GPM6A: variants seen among roughly 807,000 people sequenced by gnomAD.
GPM6A encodes neuronal membrane glycoprotein M6-a.
In GPM6A, 7 loss-of-function variants were observed where a neutral mutation model predicts 32.1. The ratio of observed to expected loss-of-function variants is 0.22; its 90% CI spans 0.12 to 0.41. GPM6A has a LOEUF of 0.41. Ranked by LOEUF, GPM6A falls within the 10% of genes least tolerant of loss-of-function variation. GPM6A has a pLI of 1.00. For synonymous variants in GPM6A, 130 were observed against 123.4 expected (o/e 1.05, Z -0.35); for missense variants, 235 against 347.2 (o/e 0.68, Z 2.57).
chr4:175,743,569 T>C (rs767054944), intron 1 of GPM6A, among the ~76,000 whole-genome samples: 1 of 151,950 alleles, frequency 6.6e-6, no homozygotes, highest in Non-Finnish European at 1.5e-5. Flanking sequence ...ATAAATGCAC[T>C]AAATACTTCA....
intron 1 of GPM6A, among the ~76,000 whole-genome samples, chr4:175,853,332 G>A (rs911981605): frequency 2.6e-5 from 4 of 151,900 alleles, no homozygotes; most frequent in Non-Finnish European, 5.9e-5. Context: ...ATACTCTAGA[G>A]CTAAGTTTAC....
chr4:175,831,258 C>G (rs908382100), intron 1 of GPM6A, among the ~76,000 whole-genome samples: 1 of 152,060 alleles, frequency 6.6e-6, no homozygotes, highest in Admixed American at 6.6e-5. Flanking sequence ...ATACTTTAGC[C>G]TGAAGACACC....
chr4:175,756,658 T>C (rs1560916054), intron 1 of GPM6A, among the ~76,000 whole-genome samples: 3 of 152,100 alleles, frequency 2.0e-5, no homozygotes, highest in African/African-American at 4.8e-5. Flanking sequence ...GGCAGAATGA[T>C]GTGTAATCTA....
chr4:175,878,634 A>C (rs908375380), intron 1 of GPM6A, among the ~76,000 whole-genome samples: 16 of 151,798 alleles, frequency 1.1e-4, no homozygotes, highest in African/African-American at 3.9e-4. Flanking sequence ...TCAAAAGATC[A>C]TTTTTTCCTC....
intron 1 of GPM6A, among the ~76,000 whole-genome samples, chr4:175,765,628 T>C (rs1732932742): frequency 6.6e-6 from 1 of 152,208 alleles, no homozygotes; most frequent in African/African-American, 2.4e-5. Context: ...AATTTATTTC[T>C]TCAATCTAGC....
intron 1 of GPM6A, among the ~76,000 whole-genome samples, chr4:175,924,669 G>A (rs530675118): frequency 8.6e-5 from 13 of 151,972 alleles, no homozygotes; most frequent in South Asian, 2.1e-4. Context: ...GCAAAACCCC[G>A]TCTCTACTAA....
chr4:175,706,753 C>T (rs1473475539), intron 1 of GPM6A, among the ~76,000 whole-genome samples: 2 of 152,124 alleles, frequency 1.3e-5, no homozygotes, highest in Admixed American at 6.5e-5. Context: ...GCTGCATATG[C>T]AGTGGGTTAG....
intron 1 of GPM6A, among the ~76,000 whole-genome samples, chr4:176,001,300 G>T (rs992511488): frequency 1.3e-5 from 2 of 152,182 alleles, no homozygotes; most frequent in African/African-American, 4.8e-5. Context: ...AGAAGTGAGC[G>T]GGCTGGGGTT....
chr4:175,651,434 C>T (rs529592320), intron 4 of GPM6A, among the ~76,000 whole-genome samples: 5 of 152,018 alleles, frequency 3.3e-5, no homozygotes, highest in South Asian at 4.1e-4. Context: ...AGACAATGAA[C>T]TGTGCCCTTC....
chr4:175,714,779 T>A lies in GPM6A; in HGVS notation c.38-13012A>T, dbSNP rs538366453. Reference sequence around the variant, plus strand: ...ATTTAACATTCAGACCGTTTTTTTTTAAGAAATATATTACTAATTACAGAA... The same window carrying A: ...ATTTAACATTCAGACCGTTTTTTTTAAAGAAATATATTACTAATTACAGAA... On this transcript the variant is annotated intron_variant, in intron 1 of 6. Coordinates refer to ENST00000393658, the MANE Select transcript of GPM6A (RefSeq NM_201591.3). Among the ~76,000 whole-genome samples the A allele has an allele frequency of 2.3e-3, 352 of 152,246 alleles. 1 individual carries two copies. Among genetic ancestry groups the A allele is most frequent in the African/African-American group, 8.2e-3 (341 of 41,540 alleles).
At chr4:175,969,327 A>G (rs1291575713) in intron 1 of GPM6A, among the ~76,000 whole-genome samples, 1 of 152,180 alleles carries the variant, frequency 6.6e-6, no homozygotes, top group Non-Finnish European at 1.5e-5. Flanking sequence ...ATACTCTAAT[A>G]GTAGATAGGT....
intron 1 of GPM6A, among the ~76,000 whole-genome samples, chr4:175,903,160 C>G (rs1255614140): frequency 6.6e-6 from 1 of 151,884 alleles, no homozygotes; most frequent in Non-Finnish European, 1.5e-5. Flanking sequence ...CTTGTTGCAA[C>G]AGAGAGTGAC....
intron 1 of GPM6A, among the ~76,000 whole-genome samples, chr4:175,844,598 C>T (rs571367337): frequency 1.3e-5 from 2 of 152,232 alleles, no homozygotes; most frequent in South Asian, 2.1e-4. Flanking sequence ...TGCATGTTTG[C>T]TTTTCTTTCA....
intron 1 of GPM6A, among the ~76,000 whole-genome samples, chr4:175,757,441 C>T (rs570846229): frequency 2.0e-5 from 3 of 152,146 alleles, no homozygotes; most frequent in South Asian, 2.1e-4. Context: ...CCACAGTAAT[C>T]GTGGGATATA....
chr4:175,885,031 C>T (rs73010158), intron 1 of GPM6A, among the ~76,000 whole-genome samples: 5,233 of 152,108 alleles, frequency 0.034, 272 homozygotes, highest in African/African-American at 0.12. Context: ...TTAGCAATTC[C>T]GCTCTATAGG....
intron 1 of GPM6A, among the ~76,000 whole-genome samples, chr4:175,718,541 G>A (rs993081424): frequency 7.2e-5 from 11 of 152,086 alleles, no homozygotes; most frequent in African/African-American, 1.2e-4. Flanking sequence ...GCTTGAGCCC[G>A]GGAGACGGCG....
intron 1 of GPM6A, among the ~76,000 whole-genome samples, chr4:175,756,771 G>A (rs1019722496): frequency 1.3e-5 from 2 of 152,024 alleles, no homozygotes; most frequent in Non-Finnish European, 2.9e-5. Context: ...CATGCACTTC[G>A]AATTAGTATT....
intron 1 of GPM6A, among the ~76,000 whole-genome samples, chr4:175,730,605 G>C (rs541962157): frequency 1.3e-5 from 2 of 152,074 alleles, no homozygotes; most frequent in Non-Finnish European, 2.9e-5. Flanking sequence ...TGAGTAGGTG[G>C]GACTACAGGC....
At chr4:175,751,717 G>A (rs762614128) in intron 1 of GPM6A, among the ~76,000 whole-genome samples, 1 of 151,304 alleles carries the variant, frequency 6.6e-6, no homozygotes, top group East Asian at 1.9e-4. Context: ...AGTTGATAGA[G>A]AATGACCCGG....
Sources: allele counts gnomAD v4.1 joint callset (sites outside exome capture counted in the v4.1 genomes callset), GRCh38; gene constraint gnomAD v4.1.1; transcripts MANE v1.5; gene names NCBI Gene and HGNC (gene_info 2026-07-23, HGNC 2026-07-21).